Variants in STXBP4 observed in about 807,000 individuals in gnomAD.
STXBP4 encodes syntaxin binding protein 4.
STXBP4 carries 55 observed loss-of-function variants against 76.1 expected under a neutral mutation model. That is an observed-to-expected ratio of 0.72 (90% CI 0.58 to 0.91). The LOEUF (loss-of-function observed/expected upper bound fraction) is 0.91, where lower values mean the gene tolerates loss of function less well. Among genes scored for constraint, STXBP4 ranks in the 40% least tolerant of loss-of-function variants. STXBP4 has a pLI of 0.00. For synonymous variants in STXBP4, 201 were observed against 220.2 expected (o/e 0.91, Z 0.77); for missense variants, 618 against 636.9 (o/e 0.97, Z 0.32).
chr17:55,131,274 G>C (rs1393281012), intron 16 of STXBP4, among the ~76,000 whole-genome samples: 1 of 152,158 alleles, frequency 6.6e-6, no homozygotes, highest in African/African-American at 2.4e-5. Flanking sequence ...TATTCATGGT[G>C]AATCACTTTT....
chr17:55,094,880 A>G (rs16955571), intron 16 of STXBP4, among the ~76,000 whole-genome samples: 5,439 of 152,328 alleles, frequency 0.036, 137 homozygotes, highest in South Asian at 0.068. Context: ...TGTTTAACAT[A>G]CAAAAACAAA....
In STXBP4 at chr17:55,030,248, A is replaced by G. The variant is rs919768929; in HGVS notation, c.667-920A>G. Reference sequence around the variant, plus strand: ...ATTATCTTTCTGTTCCACCATCTTTACTGCGGTACCACATGAACCAAAAGA... The same window carrying G: ...ATTATCTTTCTGTTCCACCATCTTTGCTGCGGTACCACATGAACCAAAAGA... On this transcript the variant is annotated intron_variant, in intron 8 of 17. Coordinates refer to ENST00000376352, the MANE Select transcript of STXBP4 (RefSeq NM_178509.6). Among the ~76,000 whole-genome samples the G allele has an allele frequency of 2.6e-5, 4 of 152,140 alleles. No individual in the cohort carries two copies. In the South Asian group the frequency reaches 8.3e-4, roughly 32 times the overall value.
At chr17:55,104,362 TTTCTC>T (rs1422347855) in intron 16 of STXBP4, among the ~76,000 whole-genome samples, 3 of 152,332 alleles carry the variant, frequency 2.0e-5, no homozygotes, top group African/African-American at 7.2e-5. Context: ...TGGAAGGCCT[TTTCTC>T]TATCTATGGA....
chr17:55,092,425 A>T (rs2079427179), intron 16 of STXBP4, among the ~76,000 whole-genome samples: 1 of 152,252 alleles, frequency 6.6e-6, no homozygotes, highest in Non-Finnish European at 1.5e-5. Context: ...GTATTTTATT[A>T]ACAACCATGT....
rs1295449175 is a variant in STXBP4, at chr17:55,169,308, G to C, written c.*9397G>C. ...CAAAAAGGTTCTACAGTAGGTTCAA[G>C]TCAGAGGCCAGAGAACCCAGAGTAT... On this transcript the variant is annotated 3_prime_UTR_variant, in exon 18 of 18. Transcript: ENST00000376352. 1 of 147,182 alleles carries C rather than the reference G, an allele frequency of 6.8e-6. No homozygotes were observed. The highest frequency in any genetic ancestry group is 1.5e-5 in the Non-Finnish European group (1 of 67,234). 9.1% of individuals were successfully genotyped at this position (147,182 alleles called of 1,614,324 possible). A position where few individuals can be genotyped will look rare whatever the true frequency, so the allele number is the denominator to read the frequency against.
chr17:55,046,278 T>G (rs570008435), intron 11 of STXBP4, among the ~76,000 whole-genome samples: 9 of 152,104 alleles, frequency 5.9e-5, no homozygotes, highest in Non-Finnish European at 1.0e-4. Context: ...TAGATTGCCA[T>G]ATTATATTCA....
At chr17:54,999,293 T>C in intron 4 of STXBP4, 52 bp from the exon 5 acceptor site, 3 of 1,428,850 alleles carry the variant, frequency 2.1e-6, no homozygotes, top group Non-Finnish European at 2.9e-6. Flanking sequence ...ATCAATTAAT[T>C]TTTTTTTAAA....
intron 8 of STXBP4, among the ~76,000 whole-genome samples, chr17:55,011,142 ACT>A (rs1388290731): frequency 6.6e-6 from 1 of 152,210 alleles, no homozygotes; most frequent in African/African-American, 2.4e-5. Context: ...ATCAAAGTAC[ACT>A]GAGTTAATTG....
intron 16 of STXBP4, among the ~76,000 whole-genome samples, chr17:55,123,543 C>T (rs867295140): frequency 1.1e-4 from 17 of 152,068 alleles, no homozygotes; most frequent in African/African-American, 4.1e-4. Flanking sequence ...TGTGTTCTAA[C>T]GTTACAATAA....
chr17:55,119,465 A>G (rs2079819448), intron 16 of STXBP4, among the ~76,000 whole-genome samples: 2 of 151,996 alleles, frequency 1.3e-5, no homozygotes, highest in African/African-American at 4.8e-5. Context: ...ACCATTCTTA[A>G]TTCTCAATCC....
chr17:55,138,634 G>T (rs2080061432), intron 16 of STXBP4, among the ~76,000 whole-genome samples: 1 of 151,846 alleles, frequency 6.6e-6, no homozygotes, highest in Non-Finnish European at 1.5e-5. Context: ...AATATGAAAA[G>T]AAAAAATAGA....
rs1251864523 is a variant in STXBP4 at position 54,986,283 on chromosome 17, A to G, written c.47+17A>G. The G allele has an allele frequency of 1.3e-6, 2 of 1,538,010 alleles. No individual in the cohort carries two copies. The highest frequency in any genetic ancestry group is 8.9e-7 in the Non-Finnish European group (1 of 1,123,416). On this transcript the variant is annotated intron_variant, in intron 3 of 17. Transcript: ENST00000376352. ...ACTTGAAAAGTAATTTTTAAGTTTA[A>G]TATGTTTTGAAATATAGTTTGAAAT...
intron 7 of STXBP4, among the ~76,000 whole-genome samples, chr17:55,005,879 C>G (rs1013906271): frequency 6.6e-6 from 1 of 151,952 alleles, no homozygotes; most frequent in Admixed American, 6.6e-5. Context: ...TATCTTTATA[C>G]TACACTTTAG....
chr17:54,969,150 G>C (rs567773449), intron 1 of STXBP4, among the ~76,000 whole-genome samples: 59 of 152,176 alleles, frequency 3.9e-4, no homozygotes, highest in Non-Finnish European at 7.9e-4. Flanking sequence ...TTCTCAGCCC[G>C]TGGGCAGTCG....
At chr17:55,002,289 G>A (rs72833244) in intron 7 of STXBP4, among the ~76,000 whole-genome samples, 8 of 152,102 alleles carry the variant, frequency 5.3e-5, no homozygotes, top group Non-Finnish European at 7.4e-5. Context: ...TAAAGTAATT[G>A]AACTATTCAA....
At chr17:55,076,102 A>G (rs117172751) in intron 13 of STXBP4, among the ~76,000 whole-genome samples, 9,630 of 152,190 alleles carry the variant, frequency 0.063, 490 homozygotes, top group Non-Finnish European at 0.084. Context: ...TGTTATAAAA[A>G]TCTTCTTCCA....
chr17:55,016,334 G>A (rs185533772), intron 8 of STXBP4, among the ~76,000 whole-genome samples: 1 of 152,212 alleles, frequency 6.6e-6, no homozygotes, highest in Non-Finnish European at 1.5e-5. Flanking sequence ...TGTGCCCAAC[G>A]TTGCCTTTGT....
chr17:55,089,325 T>C (rs764680913), intron 16 of STXBP4, among the ~76,000 whole-genome samples: 1 of 152,258 alleles, frequency 6.6e-6, no homozygotes, highest in Non-Finnish European at 1.5e-5. Flanking sequence ...CTAAAGCTTC[T>C]TTCAACTTGG....
chr17:55,043,048 G>T (rs911948742), intron 10 of STXBP4, among the ~76,000 whole-genome samples, 188 bp from the exon 11 acceptor site: 1 of 152,052 alleles, frequency 6.6e-6, no homozygotes, highest in African/African-American at 2.4e-5. Context: ...AACAATGTAA[G>T]GTTAAAATGA....
Sources: gnomAD v4.1 joint callset for allele counts (sites outside exome capture counted in the v4.1 genomes callset) on GRCh38, gnomAD v4.1.1 for gene constraint, MANE v1.5 for transcripts, NCBI Gene and HGNC (gene_info 2026-07-23, HGNC 2026-07-21) for gene names.